WDR64: variants seen among roughly 807,000 people sequenced by gnomAD.
WDR64 encodes WD repeat-containing protein 64.
Under a neutral mutation model 139.3 loss-of-function variants are expected in WDR64, and 112 were observed. The observed-to-expected ratio is 0.80, with a 90% confidence interval of 0.69 to 0.94. The LOEUF (loss-of-function observed/expected upper bound fraction) is 0.94, where lower values mean the gene tolerates loss of function less well. Among genes scored for constraint, WDR64 ranks in the 40% least tolerant of loss-of-function variants. The pLI is 0.00. For missense variants in WDR64, 1,206 were observed against 1,293.1 expected (o/e 0.93, Z 1.03); for synonymous variants, 444 against 437.7 (o/e 1.01, Z -0.18).
In WDR64 at chr1:241,703,368, G is replaced by A. The variant is rs976076302; in HGVS notation, c.975-8434G>A. On this transcript the variant is annotated intron_variant, in intron 8 of 27. Transcript: ENST00000437684. This position sits in a 1 kb window ranked among gnomAD's most constrained non-coding sequence, Gnocchi z 5.9. ...GACTCTGCTTCTCTCCCTGCATCAC[G>A]CTCATTAATTCATGGAACAACAGGA... Among the ~76,000 whole-genome samples the A allele has an allele frequency of 7.9e-5, 12 of 151,762 alleles. No individual in the cohort carries two copies. Among genetic ancestry groups the A allele is most frequent in the East Asian group, 3.9e-4 (2 of 5,188 alleles).
At chr1:241,788,465 T>C (rs1205875404) in intron 24 of WDR64, among the ~76,000 whole-genome samples, 2 of 152,190 alleles carry the variant, frequency 1.3e-5, no homozygotes, top group Non-Finnish European at 2.9e-5. Context: ...CAACCCTAGA[T>C]GGTGAATGTC....
chr1:241,731,338 G>A lies in WDR64; in HGVS notation c.1195-7025G>A, dbSNP rs555518790. On this transcript the variant is annotated intron_variant, in intron 10 of 27. Transcript: ENST00000437684. ...AACCTGGGCAACATAGAGATACCTC[G>A]TCTCTTAAAAAAAAAAAAATGAGAT... Among the ~76,000 whole-genome samples the A allele has an allele frequency of 2.7e-5, 4 of 146,162 alleles. No individual in the cohort carries two copies. The East Asian group carries it at 6.4e-4, about 23-fold the overall frequency.
chr1:241,696,398 G>A (rs533553274), intron 8 of WDR64, among the ~76,000 whole-genome samples: 8 of 152,166 alleles, frequency 5.3e-5, no homozygotes, highest in African/African-American at 1.9e-4. Flanking sequence ...ATTTGGGGGC[G>A]AGTCCATAGA....
At chr1:241,666,636 C>T (rs887910912) in intron 2 of WDR64, among the ~76,000 whole-genome samples, 2 of 152,076 alleles carry the variant, frequency 1.3e-5, no homozygotes, top group South Asian at 2.1e-4. Context: ...TTTAAATTAG[C>T]GAGGAAGATA....
intron 1 of WDR64, among the ~76,000 whole-genome samples, chr1:241,655,242 G>A (rs558055457): frequency 1.4e-4 from 21 of 152,132 alleles, no homozygotes; most frequent in Non-Finnish European, 2.6e-4. Flanking sequence ...AATTAGCTGG[G>A]CATGGTGACG....
At position 241,749,590 on chromosome 1, in the gene WDR64, G is replaced by A. The variant is rs751154123; in HGVS notation, c.1638G>A (p.Lys546=). Residue 546 remains lysine (K), a synonymous_variant, in exon 14 of 28, where the codon AAG becomes AAA. Transcript: ENST00000437684. ...IWDFGSGQEM[K]VLPEGKDWKE... ...ACTTTGGCAGTGGGCAGGAGATGAAGGTGTTGCCGGAGGGGAAAGACTGGA... is the reference window on the plus strand; with the variant it reads ...ACTTTGGCAGTGGGCAGGAGATGAAAGTGTTGCCGGAGGGGAAAGACTGGA... 2.5e-6 allele frequency: 4 copies of A among 1,614,126 alleles called. No homozygotes were observed. In the Admixed American group the frequency reaches 5.0e-5, roughly 20 times the overall value.
intron 21 of WDR64, among the ~76,000 whole-genome samples, chr1:241,778,324 T>C (rs1420478332): frequency 6.6e-6 from 1 of 152,212 alleles, no homozygotes; most frequent in African/African-American, 2.4e-5. Context: ...CTACACTTGC[T>C]TTCTTTTGAT....
At chr1:241,711,731 T>C in intron 8 of WDR64, 71 bp from the exon 9 acceptor site, 6 of 1,484,950 alleles carry the variant, frequency 4.0e-6, no homozygotes, top group Non-Finnish European at 5.6e-6. Context: ...TCAAACATAA[T>C]CTATTTATAA....
At chr1:241,681,457 C>G (rs763190542) in intron 6 of WDR64, among the ~76,000 whole-genome samples, 1 of 152,164 alleles carries the variant, frequency 6.6e-6, no homozygotes, top group Non-Finnish European at 1.5e-5. Context: ...TAATTCATCC[C>G]TTTTTATGGC....
At chr1:241,766,184 ATATT>A (rs1558514913) in intron 15 of WDR64, 30 bp from the exon 16 acceptor site, 23 of 1,608,758 alleles carry the variant, frequency 1.4e-5, no homozygotes, top group Non-Finnish European at 2.0e-5. Flanking sequence ...CATGAATACT[ATATT>A]TATGGTGTTC....
chr1:241,697,999 A>G (rs946367631), intron 8 of WDR64, among the ~76,000 whole-genome samples: 5 of 152,088 alleles, frequency 3.3e-5, no homozygotes, highest in African/African-American at 1.2e-4. Context: ...TTTTCTTCTT[A>G]CATTCTATCC....
At chr1:241,761,564 A>C (rs1395622297) in intron 15 of WDR64, among the ~76,000 whole-genome samples, 1 of 151,294 alleles carries the variant, frequency 6.6e-6, no homozygotes, top group Non-Finnish European at 1.5e-5. Context: ...TTAGAAATAT[A>C]TATATATGTA....
At chr1:241,784,953 G>GGATTAAAAA (rs766802128) in intron 23 of WDR64, among the ~76,000 whole-genome samples, 1 of 62,250 alleles carries the variant, frequency 1.6e-5, no homozygotes, top group Non-Finnish European at 3.1e-5. Context: ...GACTCTGTCT[G>GGATTAAAAA]AAAAAAAAAA....
At chr1:241,730,208 A>G (rs1487876583) in intron 10 of WDR64, among the ~76,000 whole-genome samples, 1 of 152,190 alleles carries the variant, frequency 6.6e-6, no homozygotes, top group Non-Finnish European at 1.5e-5. Context: ...TCTTTAGTTC[A>G]TCACCCAGGA....
At chr1:241,732,092 A>C (rs1323313452) in intron 10 of WDR64, among the ~76,000 whole-genome samples, 2 of 152,180 alleles carry the variant, frequency 1.3e-5, no homozygotes, top group East Asian at 3.9e-4. Flanking sequence ...TTGGGGACTA[A>C]AAATCTCATT....
intron 8 of WDR64, among the ~76,000 whole-genome samples, chr1:241,710,065 G>GA (rs77994007): frequency 2.8e-4 from 40 of 142,358 alleles, no homozygotes; most frequent in East Asian, 6.1e-4. Context: ...AAAAAGAAAA[G>GA]AAAAAAAAAA....
chr1:241,773,445 T>C (rs970018620), intron 20 of WDR64, among the ~76,000 whole-genome samples: 1 of 152,172 alleles, frequency 6.6e-6, no homozygotes, highest in African/African-American at 2.4e-5. Flanking sequence ...ATTCTTTTAT[T>C]TGGGGAGAGG....
intron 11 of WDR64, 107 bp from the exon 12 acceptor site, chr1:241,741,409 C>T: frequency 1.2e-6 from 1 of 861,664 alleles, no homozygotes; most frequent in Non-Finnish European, 1.7e-6. Flanking sequence ...ATTGATATTG[C>T]TAATCTCACT....
In WDR64 at chr1:241,801,341, C is replaced by T. The variant is rs1574106240; in HGVS notation, c.*126C>T. On this transcript the variant is annotated 3_prime_UTR_variant, in exon 28 of 28. Coordinates refer to ENST00000437684, the MANE Select transcript of WDR64 (RefSeq NM_001367482.1). ...CAGTCATCTCTGGTGTCAGGCCATCCTATTGATGGGAAAGATTGCTTAGGG... is the reference window on the plus strand; with the variant it reads ...CAGTCATCTCTGGTGTCAGGCCATCTTATTGATGGGAAAGATTGCTTAGGG... 3.9e-6 allele frequency: 3 copies of T among 775,880 alleles called. No homozygotes were observed. The East Asian group carries it at 7.7e-5, about 20-fold the overall frequency. The allele number at this position is 775,880 out of a possible 1,614,324, so 48.1% of individuals were successfully genotyped here. A position where few individuals can be genotyped will look rare whatever the true frequency, so the allele number is the denominator to read the frequency against.
Sources: allele counts gnomAD v4.1 joint callset (sites outside exome capture counted in the v4.1 genomes callset), GRCh38; gene constraint gnomAD v4.1.1; non-coding constraint Gnocchi (gnomAD v3.1); transcripts MANE v1.5; gene names NCBI Gene and HGNC (gene_info 2026-07-23, HGNC 2026-07-21).